TENM1: variants seen among roughly 807,000 people sequenced by gnomAD.
The protein encoded by TENM1 is teneurin transmembrane protein 1, also known as teneurin-1.
In TENM1, 35 loss-of-function variants were observed where a neutral mutation model predicts 174.8. The ratio of observed to expected loss-of-function variants is 0.20; its 90% CI spans 0.15 to 0.27. TENM1 has a LOEUF of 0.27. TENM1 is among the 10% of genes least tolerant of loss of function. The pLI is 1.00. For missense variants in TENM1, 1,633 were observed against 2,130.1 expected, an observed-to-expected ratio of 0.77 and a Z score of 4.59; for synonymous variants, 781 against 798.7, an observed-to-expected ratio of 0.98 and a Z score of 0.37.
intron 3 of TENM1, among the ~76,000 whole-genome samples, chrX:124,889,454 A>T (rs2057440705): frequency 9.0e-6 from 1 of 111,402 alleles, no homozygotes; most frequent in Non-Finnish European, 1.9e-5. Flanking sequence ...AAACTTAGAG[A>T]AACTCAACCT....
At chrX:124,796,119 A>G (rs189706614) in intron 3 of TENM1, among the ~76,000 whole-genome samples, 31 of 111,569 alleles carry the variant, frequency 2.8e-4, no homozygotes, top group Admixed American at 2.9e-4. Flanking sequence ...TTTTCTTTTT[A>G]CAAGAAATAA....
chrX:124,609,985 G>A (rs779271979), intron 11 of TENM1, among the ~76,000 whole-genome samples: 7 of 111,809 alleles, frequency 6.3e-5, no homozygotes, highest in African/African-American at 1.9e-4. Context: ...TGTTGTGATC[G>A]CTGTGGGTGA....
chrX:125,168,591 A>T, the TENM1 span, among the ~76,000 whole-genome samples: 1 of 111,327 alleles, frequency 9.0e-6, no homozygotes, highest in Non-Finnish European at 1.9e-5. Flanking sequence ...CTTAATCAGA[A>T]ATCATCCTGG....
intron 15 of TENM1, among the ~76,000 whole-genome samples, chrX:124,540,217 G>A (rs961866827): frequency 1.8e-5 from 2 of 112,110 alleles, no homozygotes; most frequent in African/African-American, 6.5e-5. Flanking sequence ...ACAGTTCCTG[G>A]CATAAAGTGA....
intron 24 of TENM1, 39 bp downstream of exon 27, chrX:124,422,233 C>T (rs2060661267): frequency 1.7e-6 from 2 of 1,172,200 alleles, no homozygotes; most frequent in African/African-American, 1.8e-5. Flanking sequence ...CTTTTCAAAA[C>T]AGAGAGGGGA....
the TENM1 span, among the ~76,000 whole-genome samples, chrX:125,058,384 C>G: frequency 8.9e-6 from 1 of 111,742 alleles, no homozygotes. Flanking sequence ...ATTGGCCCAA[C>G]TATTGTATAT....
the TENM1 span, among the ~76,000 whole-genome samples, chrX:125,090,010 C>T: frequency 1.8e-5 from 2 of 111,607 alleles, no homozygotes; most frequent in East Asian, 5.7e-4. Flanking sequence ...CCTCCTACTC[C>T]CCACATTACA....
chrX:124,650,240 A>G (rs932056572), intron 8 of TENM1, among the ~76,000 whole-genome samples: 76 of 106,759 alleles, frequency 7.1e-4, no homozygotes, highest in Middle Eastern at 4.7e-3. Context: ...AAAGAGGAGA[A>G]TTTAGGGTGA....
At chrX:125,050,176 T>A in the TENM1 span, among the ~76,000 whole-genome samples, 1 of 108,983 alleles carries the variant, frequency 9.2e-6, no homozygotes, top group Non-Finnish European at 1.9e-5. Flanking sequence ...TTATTATTAT[T>A]ATACTTCAAG....
rs747899967 is a variant in TENM1, at chrX:124,389,048, G to T, written c.5689-2984C>A. ...CAGAGAAGTCTCATAAATCAAGACA[G>T]AGAATTAATGACCACATAGAGAAAA... On this transcript the variant is annotated intron_variant, in intron 28 of 31. Coordinates refer to ENST00000422452, the Ensembl canonical transcript of TENM1. Among the ~76,000 whole-genome samples the T allele has an allele frequency of 8.0e-5, 9 of 112,282 alleles. No individual in the cohort carries two copies. In the East Asian group the frequency reaches 2.5e-3, roughly 31 times the overall value.
intron 3 of TENM1, among the ~76,000 whole-genome samples, chrX:124,839,354 G>A (rs187109652): frequency 3.3e-4 from 36 of 109,796 alleles, no homozygotes; most frequent in Middle Eastern, 4.7e-3. Context: ...AGGAAGTGAA[G>A]TTTTACCTAG....
At chrX:124,683,317 G>A (rs185810547) in intron 5 of TENM1, among the ~76,000 whole-genome samples, 4 of 111,801 alleles carry the variant, frequency 3.6e-5, no homozygotes, top group Admixed American at 9.5e-5. Flanking sequence ...CACTGATTCA[G>A]TCTTACTTAA....
the TENM1 span, among the ~76,000 whole-genome samples, chrX:124,983,708 T>G: frequency 9.0e-6 from 1 of 111,369 alleles, no homozygotes; most frequent in Non-Finnish European, 1.9e-5. Context: ...GCAACCTCAG[T>G]CTCCCAGGCT....
chrX:124,995,555 G>A, the TENM1 span, among the ~76,000 whole-genome samples: 1 of 111,300 alleles, frequency 9.0e-6, no homozygotes, highest in Non-Finnish European at 1.9e-5. Flanking sequence ...TTTTCTATTT[G>A]TTGGCTACAA....
the TENM1 span, among the ~76,000 whole-genome samples, chrX:125,006,888 A>G: frequency 5.4e-5 from 6 of 111,819 alleles, no homozygotes; most frequent in African/African-American, 1.3e-4. Context: ...AGCCTCAAAG[A>G]TCAAAGGTAG....
chrX:124,780,303 GA>G (rs1292833733), intron 3 of TENM1, among the ~76,000 whole-genome samples: 1 of 112,231 alleles, frequency 8.9e-6, no homozygotes, highest in East Asian at 2.8e-4. Flanking sequence ...ATTTCACTAA[GA>G]AAATATGGTT....
At chrX:125,191,923 GT>G in the TENM1 span, among the ~76,000 whole-genome samples, 4 of 106,088 alleles carry the variant, frequency 3.8e-5, no homozygotes, top group African/African-American at 1.0e-4. Context: ...AATAAGCTAG[GT>G]TTTTTTTTTG....
chrX:124,943,867 T>C (rs2058364849), intron 1 of TENM1, among the ~76,000 whole-genome samples: 1 of 111,944 alleles, frequency 8.9e-6, no homozygotes, highest in African/African-American at 3.2e-5. Flanking sequence ...GTAAGTCCCT[T>C]TGTCAACTGC....
chrX:124,490,829 CA>C (rs1191362875), intron 20 of TENM1, among the ~76,000 whole-genome samples: 1 of 111,745 alleles, frequency 8.9e-6, no homozygotes, highest in Non-Finnish European at 1.9e-5. Flanking sequence ...GAGAGGGGTA[CA>C]GGGGGATATT....
Sources: allele counts gnomAD v4.1 joint callset (sites outside exome capture counted in the v4.1 genomes callset), GRCh38; gene constraint gnomAD v4.1.1; transcripts MANE v1.5; gene names NCBI Gene and HGNC (gene_info 2026-07-23, HGNC 2026-07-21).